ASTN1: variants seen among roughly 807,000 people sequenced by gnomAD.
ASTN1 encodes astrotactin-1.
Under a neutral mutation model 140.7 loss-of-function variants are expected in ASTN1, and 41 were observed. The ratio of observed to expected loss-of-function variants is 0.29; its 90% CI spans 0.23 to 0.38. The LOEUF (loss-of-function observed/expected upper bound fraction) is 0.38, where lower values mean the gene tolerates loss of function less well. Among genes scored for constraint, ASTN1 ranks in the 10% least tolerant of loss-of-function variants. The probability of loss-of-function intolerance (pLI) is 1.00; values close to 1 mark genes in which losing one functional copy is unlikely to be tolerated. For synonymous variants in ASTN1, 640 were observed against 652.2 expected (o/e 0.98, Z 0.29); for missense variants, 1,479 against 1,678.8 (o/e 0.88, Z 2.08).
chr1:177,126,339 C>T (rs1474536870), intron 1 of ASTN1, among the ~76,000 whole-genome samples: 2 of 152,164 alleles, frequency 1.3e-5, no homozygotes, highest in African/African-American at 4.8e-5. Flanking sequence ...CTGAGAGTGA[C>T]AGATCCTCCT....
intron 20 of ASTN1, among the ~76,000 whole-genome samples, chr1:176,877,637 G>C (rs548583537): frequency 3.3e-4 from 51 of 152,344 alleles, no homozygotes; most frequent in Non-Finnish European, 6.2e-4. Context: ...AAGGGAATCT[G>C]AACACAACCA....
At chr1:177,013,403 T>A (rs578225953) in intron 8 of ASTN1, among the ~76,000 whole-genome samples, 1 of 152,236 alleles carries the variant, frequency 6.6e-6, no homozygotes, top group Non-Finnish European at 1.5e-5. Flanking sequence ...TATCATGCCT[T>A]GACTTAGTCA....
At chr1:177,017,713 G>A (rs1374667022) in intron 7 of ASTN1, among the ~76,000 whole-genome samples, 1 of 152,160 alleles carries the variant, frequency 6.6e-6, no homozygotes, top group Non-Finnish European at 1.5e-5. Context: ...TGCCCTGCAG[G>A]AGCACTCATG....
chr1:176,974,625 T>C (rs982370453), intron 8 of ASTN1, among the ~76,000 whole-genome samples: 4 of 152,164 alleles, frequency 2.6e-5, no homozygotes, highest in Non-Finnish European at 4.4e-5. Flanking sequence ...GACCTTGTGA[T>C]CCGCCTGCCT....
At chr1:176,970,731 GGTGT>G (rs10642697) in intron 8 of ASTN1, among the ~76,000 whole-genome samples, 107 of 147,240 alleles carry the variant, frequency 7.3e-4, no homozygotes, top group African/African-American at 2.3e-3. Context: ...TGTGGGTATG[GGTGT>G]GTGTGTGTGT....
chr1:176,873,631 A>G (rs1668441587), intron 21 of ASTN1, among the ~76,000 whole-genome samples: 2 of 152,292 alleles, frequency 1.3e-5, no homozygotes, highest in Non-Finnish European at 2.9e-5. Flanking sequence ...AGCATATGGT[A>G]TTTTGGTAGA....
intron 1 of ASTN1, among the ~76,000 whole-genome samples, chr1:177,089,896 T>C (rs1276644648): frequency 3.3e-5 from 5 of 152,154 alleles, no homozygotes; most frequent in Non-Finnish European, 7.3e-5. Context: ...TAGCAGTTTT[T>C]ACTTCAATTA....
rs148121685 is a variant in ASTN1 at position 177,156,264 on chromosome 1, C to T, written c.283+8130G>A. Among the ~76,000 whole-genome samples the T allele has an allele frequency of 5.5e-3, 811 of 147,264 alleles. 19 individuals carry two copies. The highest frequency in any genetic ancestry group is 0.02 in the African/African-American group (773 of 39,146). On this transcript the variant is annotated intron_variant, in intron 1 of 22. Transcript: ENST00000361833. Reference sequence around the variant, plus strand: ...CAGCGTGGGCAACAAGGTGAGACTCCGTCTCAAAAAAAAAAAAAACAAAAA... The same window carrying T: ...CAGCGTGGGCAACAAGGTGAGACTCTGTCTCAAAAAAAAAAAAAACAAAAA...
At chr1:177,083,986 T>C (rs1327596360) in intron 1 of ASTN1, among the ~76,000 whole-genome samples, 2 of 152,202 alleles carry the variant, frequency 1.3e-5, no homozygotes, top group African/African-American at 4.8e-5. Context: ...GAGTAAATTC[T>C]CCCTTGCTGT....
chr1:177,092,012 T>G (rs1679779051), intron 1 of ASTN1, among the ~76,000 whole-genome samples: 1 of 152,192 alleles, frequency 6.6e-6, no homozygotes, highest in Non-Finnish European at 1.5e-5. Flanking sequence ...TTCTTGGTTA[T>G]GTACCTAAAA....
At chr1:176,900,822 T>TTCACTTACCTGCCCTGC (rs1351073063) in intron 16 of ASTN1, among the ~76,000 whole-genome samples, 1 of 152,218 alleles carries the variant, frequency 6.6e-6, no homozygotes, top group Non-Finnish European at 1.5e-5. Flanking sequence ...TCAATGCCTG[T>TTCACTTACCTGCCCTGC]TCACTTACCT....
At chr1:176,971,031 T>C (rs1455258171) in intron 8 of ASTN1, among the ~76,000 whole-genome samples, 2 of 152,208 alleles carry the variant, frequency 1.3e-5, no homozygotes, top group African/African-American at 2.4e-5. Flanking sequence ...CTCACAGCAC[T>C]TCGGGGTCCC....
intron 16 of ASTN1, among the ~76,000 whole-genome samples, chr1:176,901,142 G>A (rs970828663): frequency 6.6e-6 from 1 of 152,170 alleles, no homozygotes; most frequent in Non-Finnish European, 1.5e-5. Context: ...TTAAGAAGAG[G>A]GGCATCAATC....
At chr1:176,930,849 G>T (rs1671177196) in intron 16 of ASTN1, among the ~76,000 whole-genome samples, 1 of 152,134 alleles carries the variant, frequency 6.6e-6, no homozygotes, top group African/African-American at 2.4e-5. Context: ...CATTGAAAAG[G>T]TACAGCGGTA....
intron 16 of ASTN1, among the ~76,000 whole-genome samples, chr1:176,931,053 C>A (rs1167818299): frequency 6.6e-6 from 1 of 152,096 alleles, no homozygotes; most frequent in Admixed American, 6.5e-5. Context: ...AAGAACCTCA[C>A]GACCTTTTCT....
At chr1:177,157,895 T>G (rs1280789757) in intron 1 of ASTN1, among the ~76,000 whole-genome samples, 2 of 152,196 alleles carry the variant, frequency 1.3e-5, no homozygotes, top group Non-Finnish European at 2.9e-5. Context: ...CACCTAACAT[T>G]ACATTTGTGA....
intron 1 of ASTN1, among the ~76,000 whole-genome samples, chr1:177,116,921 A>C (rs1571807756): frequency 6.6e-6 from 1 of 151,914 alleles, no homozygotes; most frequent in Admixed American, 6.6e-5. Flanking sequence ...TCCCCAGGGG[A>C]CCCGGGCTTC....
Position 176,862,355 on chromosome 1 carries a change from G to T in ASTN1, c.*1929C>A. The T allele has an allele frequency of 1.0e-6, 1 of 985,530 alleles. No individual in the cohort carries two copies. Among genetic ancestry groups the T allele is most frequent in the Non-Finnish European group, 1.2e-6 (1 of 830,002 alleles). 61.0% of individuals were successfully genotyped at this position (985,530 alleles called of 1,614,324 possible). On this transcript the variant is annotated 3_prime_UTR_variant, in exon 23 of 23. Coordinates refer to ENST00000361833, the MANE Select transcript of ASTN1 (RefSeq NM_004319.3). ...ACAGGCTTCCTTCCCAGTCATGAGG[G>T]TGGGGAGGAGGGCCATGTGCAGTGG... is the stretch of plus-strand genomic sequence containing the variant.
chr1:176,863,992 G>A lies in ASTN1; in HGVS notation c.*292C>T, dbSNP rs547372915. 1.5e-5 allele frequency: 18 copies of A among 1,162,882 alleles called. 1 individual carries two copies. In the South Asian group the frequency reaches 3.8e-4, roughly 25 times the overall value. The allele number at this position is 1,162,882 out of a possible 1,614,324, so 72.0% of individuals were successfully genotyped here. ...TTGAGCATTTTGGTAAACTTCTCAGGGAAAAAAAAATGAATGGAACAAATT... is the reference window on the plus strand; with the variant it reads ...TTGAGCATTTTGGTAAACTTCTCAGAGAAAAAAAAATGAATGGAACAAATT... On this transcript the variant is annotated 3_prime_UTR_variant, in exon 23 of 23. Transcript: ENST00000361833.
Sources: allele counts gnomAD v4.1 joint callset (sites outside exome capture counted in the v4.1 genomes callset), GRCh38; gene constraint gnomAD v4.1.1; transcripts MANE v1.5; gene names NCBI Gene and HGNC (gene_info 2026-07-23, HGNC 2026-07-21).